Variants in EVI5 observed in about 807,000 individuals in gnomAD.
EVI5 encodes ecotropic viral integration site 5 protein homolog.
In EVI5, 73 loss-of-function variants were observed where a neutral mutation model predicts 112.0. That is an observed-to-expected ratio of 0.65 (90% CI 0.54 to 0.79). The LOEUF is 0.79. EVI5 is among the 30% of genes least tolerant of loss of function. EVI5 has a pLI of 0.00. For missense variants in EVI5, 900 were observed against 968.8 expected (o/e 0.93, Z 0.94); for synonymous variants, 305 against 319.9 (o/e 0.95, Z 0.50).
intron 13 of EVI5, among the ~76,000 whole-genome samples, chr1:92,657,873 G>C (rs888567138): frequency 2.6e-5 from 4 of 152,134 alleles, no homozygotes; most frequent in Non-Finnish European, 4.4e-5. Context: ...GTGAGAGTGG[G>C]AGCAAGAGAG....
intron 19 of EVI5, among the ~76,000 whole-genome samples, chr1:92,547,267 G>C (rs1665892165): frequency 6.6e-6 from 1 of 152,182 alleles, no homozygotes; most frequent in South Asian, 2.1e-4. Flanking sequence ...GTAACGAAAT[G>C]AAGGCAGAAA....
At chr1:92,634,143 C>G (rs1055511365) in intron 14 of EVI5, among the ~76,000 whole-genome samples, 1 of 152,168 alleles carries the variant, frequency 6.6e-6, no homozygotes, top group African/African-American at 2.4e-5. Context: ...TTTGGTGAAT[C>G]TGACAATTAT....
chr1:92,747,647 G>A (rs530781861), intron 1 of EVI5, among the ~76,000 whole-genome samples: 1 of 150,198 alleles, frequency 6.7e-6, no homozygotes, highest in South Asian at 2.1e-4. Context: ...CCGGAAGGCG[G>A]AGGTTGCAGT....
rs889908873 is a variant in EVI5 at position 92,664,267 on chromosome 1, G to A, written c.1213-815C>T. Among the ~76,000 whole-genome samples the A allele has an allele frequency of 1.7e-4, 26 of 152,088 alleles. 1 individual carries two copies. Among genetic ancestry groups the A allele is most frequent in the African/African-American group, 6.3e-4 (26 of 41,408 alleles). ...TTAAACTTTAGCAATAACTGAGAAA[G>A]TATACTTTTTTATTACAGAATTCAA... is the stretch of plus-strand genomic sequence containing the variant. On this transcript the variant is annotated intron_variant, in intron 11 of 19. Transcript: ENST00000684568.
chr1:92,521,924 C>A (rs1276698995), intron 19 of EVI5, among the ~76,000 whole-genome samples: 1 of 152,120 alleles, frequency 6.6e-6, no homozygotes, highest in Non-Finnish European at 1.5e-5. Context: ...ATTCTACAAC[C>A]CACAATCCGG....
At chr1:92,781,465 A>G (rs1684851220) in intron 1 of EVI5, among the ~76,000 whole-genome samples, 1 of 151,814 alleles carries the variant, frequency 6.6e-6, no homozygotes, top group South Asian at 2.1e-4. Context: ...GTGTTCTGAG[A>G]CTGCACCACT....
intron 19 of EVI5, among the ~76,000 whole-genome samples, chr1:92,548,873 C>T (rs531039643): frequency 1.3e-5 from 2 of 152,314 alleles, no homozygotes; most frequent in African/African-American, 4.8e-5. Context: ...AAGAACATTC[C>T]ATGCTCATGG....
intron 2 of EVI5, among the ~76,000 whole-genome samples, chr1:92,713,373 C>G (rs1200295218): frequency 6.6e-6 from 1 of 150,894 alleles, no homozygotes; most frequent in Non-Finnish European, 1.5e-5. Context: ...CATACTAGAC[C>G]ATACTAGATC....
chr1:92,752,534 T>C (rs966653174), intron 1 of EVI5, among the ~76,000 whole-genome samples: 1 of 151,694 alleles, frequency 6.6e-6, no homozygotes, highest in East Asian at 2.0e-4. Context: ...AGCACTCCAA[T>C]GGGCCCTTTT....
chr1:92,523,460 C>T (rs1393339589), intron 19 of EVI5, among the ~76,000 whole-genome samples: 2 of 151,858 alleles, frequency 1.3e-5, no homozygotes, highest in Non-Finnish European at 2.9e-5. Context: ...AAATATATTA[C>T]ATAATCAAAT....
chr1:92,607,962 G>A (rs905788960), intron 16 of EVI5, among the ~76,000 whole-genome samples: 5 of 151,700 alleles, frequency 3.3e-5, no homozygotes, highest in East Asian at 1.9e-4. Flanking sequence ...CGGCTAACGC[G>A]GTGAAACCCC....
rs553223332 is a variant in EVI5 at position 92,696,978 on chromosome 1, T to G, written c.765+882A>C. ...TGGCATGAACCCAGGAGGCGGAGCT[T>G]GCAGTGAGCCGACACCACGCCACTG... On this transcript the variant is annotated intron_variant, in intron 6 of 19. Coordinates refer to ENST00000684568, the MANE Select transcript of EVI5 (RefSeq NM_001350197.2). Among the ~76,000 whole-genome samples, 3 of 152,214 alleles carry G rather than the reference T, an allele frequency of 2.0e-5. No individual in the cohort carries two copies. In the East Asian group the frequency reaches 5.8e-4, roughly 29 times the overall value.
intron 1 of EVI5, among the ~76,000 whole-genome samples, chr1:92,749,531 C>G (rs1436884754): frequency 1.3e-5 from 2 of 151,916 alleles, no homozygotes; most frequent in Non-Finnish European, 2.9e-5. Context: ...AAGACCTTGT[C>G]TATCATAAAC....
intron 16 of EVI5, among the ~76,000 whole-genome samples, chr1:92,621,077 T>TA (rs1006001908): frequency 6.6e-6 from 1 of 151,676 alleles, no homozygotes; most frequent in South Asian, 2.1e-4. Flanking sequence ...GAACAACCAC[T>TA]AAAAAAACTC....
chr1:92,727,179 A>C (rs904106678), intron 2 of EVI5, among the ~76,000 whole-genome samples: 1 of 152,166 alleles, frequency 6.6e-6, no homozygotes, highest in Admixed American at 6.5e-5. Context: ...CAGAAAATAT[A>C]TTAGTGGTTA....
intron 14 of EVI5, among the ~76,000 whole-genome samples, chr1:92,633,817 A>G (rs77597711): frequency 1.8e-3 from 276 of 152,254 alleles, no homozygotes; most frequent in Non-Finnish European, 3.3e-3. Context: ...AGTGGCTGGT[A>G]CCAGCTGTTC....
rs114296420 is a variant in EVI5, at chr1:92,644,710, T to C, written c.1393-8374A>G. On this transcript the variant is annotated intron_variant, in intron 13 of 19. Coordinates refer to ENST00000684568, the MANE Select transcript of EVI5 (RefSeq NM_001350197.2). The stretch of plus-strand genomic sequence containing the variant: ...GCATTAGATGTGTCCCACAAATTTT[T>C]AGATATTGTGTCTTCATTTTCATTT... 8.7e-3 allele frequency among the ~76,000 whole-genome samples: 1,325 copies of C among 152,326 alleles called. 15 individuals carry two copies. Among genetic ancestry groups the C allele is most frequent in the African/African-American group, 0.031 (1,269 of 41,566 alleles).
chr1:92,566,763 A>G (rs1557803058), intron 18 of EVI5, among the ~76,000 whole-genome samples: 1 of 144,134 alleles, frequency 6.9e-6, no homozygotes, highest in South Asian at 2.2e-4. Flanking sequence ...GATCCTGATG[A>G]TCTTGACCCT....
intron 1 of EVI5, among the ~76,000 whole-genome samples, chr1:92,775,794 G>C (rs1448541982): frequency 6.6e-6 from 1 of 152,126 alleles, no homozygotes; most frequent in African/African-American, 2.4e-5. Flanking sequence ...GCAGGCTTCT[G>C]TATTTTATAA....
Sources: gnomAD v4.1 joint callset for allele counts (sites outside exome capture counted in the v4.1 genomes callset) on GRCh38, gnomAD v4.1.1 for gene constraint, MANE v1.5 for transcripts, NCBI Gene and HGNC (gene_info 2026-07-23, HGNC 2026-07-21) for gene names.